Variants in ADGB observed in about 807,000 individuals in gnomAD.
The protein encoded by ADGB is calpain-7-like protein.
In ADGB, 172 loss-of-function variants were observed where a neutral mutation model predicts 210.5. The observed-to-expected ratio is 0.82, with a 90% confidence interval of 0.72 to 0.93. The LOEUF (loss-of-function observed/expected upper bound fraction) is 0.93, where lower values mean the gene tolerates loss of function less well. Ranked by LOEUF, ADGB falls within the 40% of genes least tolerant of loss-of-function variation. ADGB has a pLI of 0.00. For missense variants in ADGB, 2,025 were observed against 1,964.8 expected, an observed-to-expected ratio of 1.03 and a Z score of -0.58; for synonymous variants, 658 against 662.7, an observed-to-expected ratio of 0.99 and a Z score of 0.11.
At chr6:146,756,619 G>A (rs1268383834) in intron 27 of ADGB, among the ~76,000 whole-genome samples, 1 of 151,942 alleles carries the variant, frequency 6.6e-6, no homozygotes, top group East Asian at 1.9e-4. Flanking sequence ...ATAACTCAGT[G>A]TAATTGTGCT....
At position 146,628,113 on chromosome 6, in the gene ADGB, T is replaced by C. The variant is rs1025396341; in HGVS notation, c.75-7262T>C. On this transcript the variant is annotated intron_variant, in intron 1 of 35. Coordinates refer to ENST00000397944, the MANE Select transcript of ADGB (RefSeq NM_024694.4). ...TGTTTTTAAATATTAAGATGATAGA[T>C]TTTAAAGTCGTTTTTACAAGCATGT... Among the ~76,000 whole-genome samples the C allele has an allele frequency of 2.6e-5, 4 of 152,112 alleles. No homozygotes were observed. In the East Asian group the frequency reaches 7.7e-4, roughly 29 times the overall value.
intron 1 of ADGB, among the ~76,000 whole-genome samples, chr6:146,601,837 C>T (rs985461749): frequency 2.0e-5 from 3 of 152,114 alleles, no homozygotes; most frequent in Admixed American, 6.5e-5. Context: ...TGTCAACTAG[C>T]ACATAAAAAA....
At chr6:146,753,461 G>A (rs1027635836) in intron 27 of ADGB, among the ~76,000 whole-genome samples, 3 of 151,684 alleles carry the variant, frequency 2.0e-5, no homozygotes, top group Admixed American at 6.6e-5. Context: ...GCCTTGGCTG[G>A]GACCTCCAAA....
At chr6:146,671,276 C>T (rs1009919002) in intron 7 of ADGB, among the ~76,000 whole-genome samples, 2 of 152,052 alleles carry the variant, frequency 1.3e-5, no homozygotes, top group South Asian at 2.1e-4. Flanking sequence ...AGTGGAACAG[C>T]GAGACTGGCT....
intron 29 of ADGB, 57 bp from the exon 30 acceptor site, chr6:146,781,963 G>T: frequency 7.7e-7 from 1 of 1,295,308 alleles, no homozygotes; most frequent in South Asian, 2.3e-5. Context: ...TGTCCCCTGT[G>T]AAACCATTTT....
At chr6:146,786,960 G>A (rs75627765) in intron 32 of ADGB, among the ~76,000 whole-genome samples, 1 of 152,112 alleles carries the variant, frequency 6.6e-6, no homozygotes, top group Non-Finnish European at 1.5e-5. Context: ...GGAACAAGTG[G>A]GGAATTAAAA....
At chr6:146,741,395 T>C (rs946665590) in intron 25 of ADGB, 124 bp downstream of exon 25, 6 of 797,358 alleles carry the variant, frequency 7.5e-6, no homozygotes, top group Non-Finnish European at 9.6e-6. Context: ...AAGGCCCTGA[T>C]CTTTCACTAT....
chr6:146,726,148 T>G lies in ADGB; in HGVS notation c.2303T>G (p.Val768Gly), dbSNP rs1299177830. The G allele has an allele frequency of 1.3e-6, 2 of 1,549,986 alleles. No homozygotes were observed. The highest frequency in any genetic ancestry group is 1.7e-6 in the Non-Finnish European group (2 of 1,145,252). Residue 768 changes from valine to glycine, a missense_variant, in exon 19 of 36, where the codon GTG becomes GGG. Val to Gly is a moderately radical substitution (Grantham distance 109). Transcript: ENST00000397944. Reference sequence around the variant, plus strand: ...CACTCCATACACATCTGCAGCATGGTGTCATTTGTCATTGGGGATGAACAC... The same window carrying G: ...CACTCCATACACATCTGCAGCATGGGGTCATTTGTCATTGGGGATGAACAC... ...VGHSIHICSM[V>G]SFVIGDEHVV...
chr6:146,628,724 C>G (rs546750370), intron 1 of ADGB, among the ~76,000 whole-genome samples: 51 of 151,860 alleles, frequency 3.4e-4, no homozygotes, highest in African/African-American at 9.9e-4. Flanking sequence ...TTGTAGTTAT[C>G]CTTCGAGGCA....
At chr6:146,803,108 G>A in intron 35 of ADGB, 1 of 1,508,526 alleles carries the variant, frequency 6.6e-7, no homozygotes, top group South Asian at 1.1e-5. Flanking sequence ...AACAATTGGT[G>A]AGCACAGGAA....
rs1337198161 is a variant in ADGB, at chr6:146,788,565, C to G, written c.4492C>G (p.Pro1498Ala). The change falls in exon 33 of 36, where the codon CCA becomes GCA. Residue 1498 changes from proline to alanine, a missense_variant. Coordinates refer to ENST00000397944, the MANE Select transcript of ADGB (RefSeq NM_024694.4). ...TAGCGAAAGTGGAGGAGTGTCTTCACCAGGGAAAGAAGAGCGCGAGCAGAG... is the reference window on the plus strand; with the variant it reads ...TAGCGAAAGTGGAGGAGTGTCTTCAGCAGGGAAAGAAGAGCGCGAGCAGAG... ...TSSESGGVSS[P>A]GKEEREQSTR... 3.2e-6 allele frequency: 5 copies of G among 1,551,534 alleles called. No homozygotes were observed. In the Admixed American group the frequency reaches 7.8e-5, roughly 24 times the overall value.
intron 2 of ADGB, among the ~76,000 whole-genome samples, chr6:146,638,454 G>A (rs532434377): frequency 2.6e-5 from 4 of 151,748 alleles, no homozygotes; most frequent in Non-Finnish European, 5.9e-5. Context: ...GTCCTTTGTA[G>A]GGACATGGAT....
chr6:146,650,500 T>C (rs1775685003), intron 3 of ADGB, among the ~76,000 whole-genome samples: 1 of 148,670 alleles, frequency 6.7e-6, no homozygotes, highest in Non-Finnish European at 1.5e-5. Flanking sequence ...TGTAACCAGC[T>C]GGAGTCCCAG....
intron 27 of ADGB, among the ~76,000 whole-genome samples, chr6:146,757,884 T>C (rs1275206703): frequency 6.6e-6 from 1 of 152,028 alleles, no homozygotes; most frequent in African/African-American, 2.4e-5. Context: ...CCCAGGGATA[T>C]GCCTTTCCAG....
At position 146,788,627 on chromosome 6, in the gene ADGB, T is replaced by A; in HGVS notation, c.4537+17T>A. The A allele has an allele frequency of 6.5e-7, 1 of 1,543,128 alleles. No homozygotes were observed. The highest frequency in any genetic ancestry group is 1.2e-5 in the South Asian group (1 of 83,830). ...AAAACATTCGTAAGTATTGCTGTCA[T>A]TGGTAACATAAACATGTATTTTCAA... On this transcript the variant is annotated intron_variant, in intron 33 of 35. Transcript: ENST00000397944.
intron 5 of ADGB, among the ~76,000 whole-genome samples, chr6:146,659,642 G>A (rs182637618): frequency 1.3e-5 from 2 of 152,226 alleles, no homozygotes; most frequent in Non-Finnish European, 2.9e-5. Context: ...TGGATTCTAA[G>A]TAAATTGTAT....
At chr6:146,618,764 C>G (rs773748603) in intron 1 of ADGB, among the ~76,000 whole-genome samples, 7 of 149,724 alleles carry the variant, frequency 4.7e-5, no homozygotes, top group Admixed American at 1.3e-4. Context: ...TCTTTTGTGA[C>G]CTAACATATG....
Position 146,803,690 on chromosome 6 carries a change from T to C in ADGB, c.4818+1679T>C, listed in dbSNP as rs1778165872. 6 of 1,226,174 alleles carry C rather than the reference T, an allele frequency of 4.9e-6. No homozygotes were observed. The Admixed American group carries it at 5.5e-5, about 11-fold the overall frequency. The allele number at this position is 1,226,174 out of a possible 1,614,324, so 76.0% of individuals were successfully genotyped here. A position where few individuals can be genotyped will look rare whatever the true frequency, so the allele number is the denominator to read the frequency against. ...ATTACAAAAGTTCCGTTTTTTAACA[T>C]TGTGAGTTTCCGATGCCATAATCTC... On this transcript the variant is annotated intron_variant, in intron 35 of 35. Transcript: ENST00000397944.
In ADGB at chr6:146,738,397, AT is replaced by A. The variant is rs1486218894; in HGVS notation, c.2888+1809del. ...GGAAGACTGAGTTTACCAATTTATGATTTAGTCTTAAGATTGAATCCCATTC... is the reference window on the plus strand; with the variant it reads ...GGAAGACTGAGTTTACCAATTTATGATTAGTCTTAAGATTGAATCCCATTC... On this transcript the variant is annotated intron_variant, in intron 23 of 35. Transcript: ENST00000397944. 2.3e-5 allele frequency among the ~76,000 whole-genome samples: 3 copies of A among 129,758 alleles called. No homozygotes were observed. In the East Asian group the frequency reaches 8.5e-4, roughly 37 times the overall value. 85.1% of individuals were successfully genotyped at this position (129,758 alleles called of 152,430 possible).
Sources: gnomAD v4.1 joint callset for allele counts (sites outside exome capture counted in the v4.1 genomes callset) on GRCh38, gnomAD v4.1.1 for gene constraint, MANE v1.5 for transcripts, NCBI Gene and HGNC (gene_info 2026-07-23, HGNC 2026-07-21) for gene names.